Variants in DAGLA observed in about 807,000 individuals in gnomAD.
DAGLA encodes the protein diacylglycerol lipase alpha, also known as diacylglycerol lipase-alpha.
In DAGLA, 22 loss-of-function variants were observed where a neutral mutation model predicts 102.6. That is an observed-to-expected ratio of 0.21 (90% CI 0.15 to 0.31). The LOEUF is 0.31. DAGLA is among the 10% of genes least tolerant of loss of function. The pLI is 1.00. For missense variants in DAGLA, 927 were observed against 1,446.6 expected (o/e 0.64, Z 5.83); for synonymous variants, 578 against 628.9 (o/e 0.92, Z 1.21).
At chr11:61,718,158 T>A (rs1279573031) in intron 1 of DAGLA, among the ~76,000 whole-genome samples, 3 of 152,066 alleles carry the variant, frequency 2.0e-5, no homozygotes, top group Non-Finnish European at 4.4e-5. Context: ...GAGGCAGGCC[T>A]GGGGGCAGGC....
intron 1 of DAGLA, among the ~76,000 whole-genome samples, chr11:61,704,430 A>T (rs951711373): frequency 2.0e-5 from 3 of 152,120 alleles, no homozygotes; most frequent in African/African-American, 7.2e-5. Flanking sequence ...CGACCAAAGG[A>T]TTTCTTTATG....
At chr11:61,685,140 C>G (rs553912699) in intron 1 of DAGLA, among the ~76,000 whole-genome samples, 1 of 152,070 alleles carries the variant, frequency 6.6e-6, no homozygotes, top group African/African-American at 2.4e-5. Flanking sequence ...GTAGTTATGA[C>G]TTCAGACTCT....
chr11:61,710,757 T>G (rs1268525261), intron 1 of DAGLA, among the ~76,000 whole-genome samples: 1 of 151,966 alleles, frequency 6.6e-6, no homozygotes, highest in Non-Finnish European at 1.5e-5. Flanking sequence ...CCATGCAAGG[T>G]GAGGTAAAGG....
chr11:61,740,331 C>A, intron 17 of DAGLA, 132 bp from the exon 18 acceptor site: 1 of 1,202,924 alleles, frequency 8.3e-7, no homozygotes, highest in South Asian at 1.5e-5. Context: ...AGCCCTGCTG[C>A]CAGGCAGGCC....
chr11:61,700,562 G>A (rs2065101554), intron 1 of DAGLA, among the ~76,000 whole-genome samples: 1 of 152,228 alleles, frequency 6.6e-6, no homozygotes, highest in Admixed American at 6.5e-5. Flanking sequence ...CTGTGATCGT[G>A]GTCCTCAGGC....
intron 2 of DAGLA, among the ~76,000 whole-genome samples, 162 bp from the exon 3 acceptor site, chr11:61,720,517 C>G (rs776095477): frequency 6.6e-5 from 10 of 152,210 alleles, no homozygotes; most frequent in Non-Finnish European, 1.3e-4. Flanking sequence ...CGCCCATGCC[C>G]TTCTAGGCAT....
At chr11:61,739,318 G>A (rs1225052319) in intron 16 of DAGLA, 147 bp from the exon 17 acceptor site, 7 of 795,382 alleles carry the variant, frequency 8.8e-6, no homozygotes, top group Non-Finnish European at 1.4e-5. Context: ...GACCTTTAAT[G>A]CTCTGGCCAC....
chr11:61,729,681 G>T (rs1238484808), intron 8 of DAGLA, among the ~76,000 whole-genome samples: 3 of 152,218 alleles, frequency 2.0e-5, no homozygotes, highest in Admixed American at 6.5e-5. Context: ...CCTTCTACCA[G>T]AGCTGTGCTG....
chr11:61,700,039 G>T (rs1448293775), intron 1 of DAGLA, among the ~76,000 whole-genome samples: 3 of 152,208 alleles, frequency 2.0e-5, no homozygotes, highest in Non-Finnish European at 4.4e-5. Context: ...GGCTGCCCCA[G>T]CAGTGCCCGG....
At chr11:61,690,282 T>C (rs1223564712) in intron 1 of DAGLA, among the ~76,000 whole-genome samples, 2 of 152,186 alleles carry the variant, frequency 1.3e-5, no homozygotes, top group Non-Finnish European at 2.9e-5. Context: ...CAGATAATAG[T>C]TTTGCCACGT....
chr11:61,735,056 AGGGTGCT>A, intron 10 of DAGLA, 54 bp downstream of exon 10: 5 of 1,581,308 alleles, frequency 3.2e-6, no homozygotes, highest in Non-Finnish European at 4.3e-6. Flanking sequence ...CTGAGGGCCT[AGGGTGCT>A]GAGGCTATCC....
intron 3 of DAGLA, 62 bp downstream of exon 3, chr11:61,720,952 C>A: frequency 6.7e-7 from 1 of 1,502,148 alleles, no homozygotes; most frequent in South Asian, 1.2e-5. Context: ...TTCACTCAGC[C>A]AGTATTTACT....
At position 61,744,405 on chromosome 11, in the gene DAGLA, G is replaced by A. The variant is rs749910641; in HGVS notation, c.3045G>A (p.Ala1015=). The A allele has an allele frequency of 6.2e-6, 10 of 1,610,764 alleles. No individual in the cohort carries two copies. Among genetic ancestry groups the A allele is most frequent in the Admixed American group, 3.3e-5 (2 of 59,904 alleles). The part of the protein sequence containing the change: ...PTGLSSQECL[A]ADKIRTSTPT... Reference sequence around the variant, plus strand: ...GCCTCAGTAGCCAGGAATGCCTGGCGGCTGACAAGATCCGGACTTCTACCC... The same window carrying A: ...GCCTCAGTAGCCAGGAATGCCTGGCAGCTGACAAGATCCGGACTTCTACCC... Residue 1015 remains alanine (A), a synonymous_variant, in exon 20 of 20, where the codon GCG becomes GCA. Transcript: ENST00000257215.
At chr11:61,722,407 G>C (rs1038891409) in intron 3 of DAGLA, among the ~76,000 whole-genome samples, 6 of 152,174 alleles carry the variant, frequency 3.9e-5, no homozygotes, top group African/African-American at 1.4e-4. Context: ...CCAACATGAC[G>C]AAACCCCGTC....
intron 1 of DAGLA, among the ~76,000 whole-genome samples, chr11:61,693,184 C>A (rs1397663063): frequency 6.6e-6 from 1 of 151,682 alleles, no homozygotes; most frequent in Non-Finnish European, 1.5e-5. Context: ...TTAGTACAGA[C>A]GGGGTTTCAC....
At chr11:61,707,517 G>A (rs536422248) in intron 1 of DAGLA, among the ~76,000 whole-genome samples, 2 of 152,380 alleles carry the variant, frequency 1.3e-5, no homozygotes, top group East Asian at 3.9e-4. Flanking sequence ...AGAGGCAGAT[G>A]GAGGCCAGGG....
chr11:61,710,365 A>G (rs1236674943), intron 1 of DAGLA, among the ~76,000 whole-genome samples: 1 of 151,760 alleles, frequency 6.6e-6, no homozygotes, highest in African/African-American at 2.4e-5. Context: ...GGGGACCGCT[A>G]CCTCTCAGGG....
At chr11:61,728,367 C>T (rs974091512) in intron 7 of DAGLA, 80 bp downstream of exon 7, 36 of 1,546,774 alleles carry the variant, frequency 2.3e-5, no homozygotes, top group Non-Finnish European at 2.3e-5. Flanking sequence ...GCCCCTGCAG[C>T]GGAGGGCTCG....
rs932738245 is a variant in DAGLA at position 61,684,804 on chromosome 11, G to T, written c.-45+4300G>T. ...GGCTCCCGTGTCTGGCTGGCCTGGT[G>T]TTGGTGGGTGTGCGGAGCTGGGGGT... On this transcript the variant is annotated intron_variant, in intron 1 of 19. Coordinates refer to ENST00000257215, the MANE Select transcript of DAGLA (RefSeq NM_006133.3). The surrounding 1 kb of genome is among the most constrained non-coding windows in gnomAD (Gnocchi z 4.5). Among the ~76,000 whole-genome samples, 1 of 152,116 alleles carries T rather than the reference G, an allele frequency of 6.6e-6. No individual in the cohort carries two copies. The highest frequency in any genetic ancestry group is 2.4e-5 in the African/African-American group (1 of 41,414).
Sources: allele counts gnomAD v4.1 joint callset (sites outside exome capture counted in the v4.1 genomes callset), GRCh38; gene constraint gnomAD v4.1.1; non-coding constraint Gnocchi (gnomAD v3.1); transcripts MANE v1.5; gene names NCBI Gene and HGNC (gene_info 2026-07-23, HGNC 2026-07-21).